GMDS: variants seen among roughly 807,000 people sequenced by gnomAD.
The protein encoded by GMDS is GDP-mannose 4,6-dehydratase, also known as GDP-mannose 4,6 dehydratase.
GMDS carries 20 observed loss-of-function variants against 49.9 expected under a neutral mutation model. That is an observed-to-expected ratio of 0.40 (90% confidence interval 0.28 to 0.58). GMDS has a LOEUF of 0.58. Among genes scored for constraint, GMDS ranks in the 20% least tolerant of loss-of-function variants. The pLI, the probability that GMDS is intolerant of heterozygous loss-of-function variation, is 0.42. For synonymous variants in GMDS, 177 were observed against 178.6 expected, an observed-to-expected ratio of 0.99 and a Z score of 0.07; for missense variants, 362 against 481.4, an observed-to-expected ratio of 0.75 and a Z score of 2.32.
chr6:1,858,665 A>C (rs1758046922), intron 7 of GMDS, among the ~76,000 whole-genome samples: 1 of 152,148 alleles, frequency 6.6e-6, no homozygotes. Context: ...TCAAATGTTT[A>C]TTTCTGACAC....
At chr6:2,221,166 A>G (rs768193726) in intron 1 of GMDS, among the ~76,000 whole-genome samples, 5 of 152,152 alleles carry the variant, frequency 3.3e-5, no homozygotes, top group South Asian at 2.1e-4. Context: ...GCAACAGAGC[A>G]AGAAGCAACA....
chr6:1,998,697 T>G (rs1364863766), intron 4 of GMDS, among the ~76,000 whole-genome samples: 2 of 152,308 alleles, frequency 1.3e-5, no homozygotes, highest in East Asian at 3.9e-4. Flanking sequence ...GTATTATAAG[T>G]TATCTAAGAC....
At chr6:1,926,417 G>A (rs1485363717) in intron 7 of GMDS, among the ~76,000 whole-genome samples, 3 of 152,294 alleles carry the variant, frequency 2.0e-5, no homozygotes, top group South Asian at 2.1e-4. Flanking sequence ...GTGGGGCACT[G>A]AGGAAGCAAC....
intron 6 of GMDS, among the ~76,000 whole-genome samples, chr6:1,959,152 A>G (rs1026738356): frequency 2.0e-5 from 3 of 152,310 alleles, no homozygotes; most frequent in South Asian, 2.1e-4. Context: ...AGACACATTA[A>G]ATTCTAGTGT....
intron 1 of GMDS, among the ~76,000 whole-genome samples, chr6:2,165,567 A>C (rs1363981768): frequency 6.6e-6 from 1 of 152,254 alleles, no homozygotes; most frequent in African/African-American, 2.4e-5. Flanking sequence ...AGCCTCATCC[A>C]AAAACACCCT....
At chr6:2,017,644 G>A (rs549017891) in intron 4 of GMDS, among the ~76,000 whole-genome samples, 1 of 152,048 alleles carries the variant, frequency 6.6e-6, no homozygotes, top group Non-Finnish European at 1.5e-5. Context: ...GGAATTAGGA[G>A]TGCCAACCCC....
At chr6:1,695,923 CTTT>C (rs71753891) in intron 9 of GMDS, among the ~76,000 whole-genome samples, 7,048 of 105,086 alleles carry the variant, frequency 0.067, 222 homozygotes, top group East Asian at 0.21. Flanking sequence ...TTTTTTTTTT[CTTT>C]TTTTTTTTTT....
intron 9 of GMDS, among the ~76,000 whole-genome samples, chr6:1,686,035 C>A (rs1004426767): frequency 2.6e-5 from 4 of 152,140 alleles, no homozygotes; most frequent in African/African-American, 9.7e-5. Flanking sequence ...CAAGAAGTCG[C>A]TCCACATTGG....
At chr6:1,723,487 C>T (rs977796344) in intron 9 of GMDS, among the ~76,000 whole-genome samples, 22 of 151,876 alleles carry the variant, frequency 1.4e-4, no homozygotes, top group Non-Finnish European at 2.9e-4. Context: ...CCACCATACC[C>T]GGCTAATTTT....
chr6:1,811,395 A>G (rs1311726548), intron 7 of GMDS, among the ~76,000 whole-genome samples: 1 of 152,232 alleles, frequency 6.6e-6, no homozygotes, highest in Non-Finnish European at 1.5e-5. Context: ...GTCTAGTTAT[A>G]ATTCTCCAGT....
rs1415661355 is a variant in GMDS at position 1,836,099 on chromosome 6, T to A, written c.772-93513A>T. On this transcript the variant is annotated intron_variant, in intron 7 of 10. Coordinates refer to ENST00000380815, the MANE Select transcript of GMDS (RefSeq NM_001500.4). This position sits in a 1 kb window ranked among gnomAD's most constrained non-coding sequence, Gnocchi z 4.2. ...AGCCAGGATGGTCTCGATCTCCTGA[T>A]CTCGTGATCCACCCGCCTCAGCCTC... 1.3e-5 allele frequency among the ~76,000 whole-genome samples: 2 copies of A among 152,062 alleles called. No homozygotes were observed. The highest frequency in any genetic ancestry group is 4.8e-5 in the African/African-American group (2 of 41,398).
intron 4 of GMDS, among the ~76,000 whole-genome samples, chr6:1,968,946 C>A (rs964223254): frequency 7.2e-5 from 11 of 151,836 alleles, no homozygotes; most frequent in African/African-American, 2.4e-4. Flanking sequence ...CAGAAAGCCA[C>A]GTGAAGAGAA....
At chr6:1,975,807 T>C (rs889917281) in intron 4 of GMDS, among the ~76,000 whole-genome samples, 2 of 152,136 alleles carry the variant, frequency 1.3e-5, no homozygotes, top group African/African-American at 4.8e-5. Flanking sequence ...CTGAATATCC[T>C]CAGTTTCCTA....
intron 7 of GMDS, among the ~76,000 whole-genome samples, chr6:1,795,598 A>T (rs1769707853): frequency 6.6e-6 from 1 of 152,110 alleles, no homozygotes; most frequent in African/African-American, 2.4e-5. Flanking sequence ...TGATAATCAA[A>T]CAATGAGAAA....
chr6:1,658,111 G>C (rs1040529441), intron 9 of GMDS, among the ~76,000 whole-genome samples: 15 of 152,238 alleles, frequency 9.9e-5, no homozygotes, highest in Non-Finnish European at 2.2e-4. Flanking sequence ...TGAATTCCAA[G>C]TGAAAAGACA....
intron 1 of GMDS, among the ~76,000 whole-genome samples, chr6:2,146,278 C>T (rs139336376): frequency 4.6e-5 from 7 of 152,012 alleles, no homozygotes; most frequent in Admixed American, 6.6e-5. Context: ...TTGCTCATAC[C>T]GCAAGATGTA....
intron 9 of GMDS, among the ~76,000 whole-genome samples, chr6:1,714,254 G>A (rs1044092540): frequency 3.3e-5 from 5 of 152,082 alleles, no homozygotes; most frequent in Admixed American, 6.5e-5. Context: ...TCCTGACCTC[G>A]TGATCCACCT....
At chr6:2,083,662 C>A (rs978342352) in intron 4 of GMDS, among the ~76,000 whole-genome samples, 1 of 152,178 alleles carries the variant, frequency 6.6e-6, no homozygotes, top group East Asian at 1.9e-4. Context: ...CCTCAGAAAG[C>A]TAATTTTGCC....
chr6:2,045,056 T>C (rs546267853), intron 4 of GMDS, among the ~76,000 whole-genome samples: 4 of 152,344 alleles, frequency 2.6e-5, no homozygotes, highest in Non-Finnish European at 5.9e-5. Context: ...GTTTTCACAA[T>C]TGTTACTAAT....
Sources: allele counts gnomAD v4.1 joint callset (sites outside exome capture counted in the v4.1 genomes callset), GRCh38; gene constraint gnomAD v4.1.1; non-coding constraint Gnocchi (gnomAD v3.1); transcripts MANE v1.5; gene names NCBI Gene and HGNC (gene_info 2026-07-23, HGNC 2026-07-21).